Variants in ABCA13 observed in about 807,000 individuals in gnomAD.
The protein encoded by ABCA13 is ATP binding cassette subfamily A member 13, also known as ATP-binding cassette sub-family A member 13.
ABCA13 carries 476 observed loss-of-function variants against 478.7 expected under a neutral mutation model. The ratio of observed to expected loss-of-function variants is 0.99; its 90% CI spans 0.92 to 1.07. The LOEUF (loss-of-function observed/expected upper bound fraction) is 1.07, where lower values mean the gene tolerates loss of function less well. ABCA13 is among the 50% of genes least tolerant of loss of function. The pLI is 0.00. For synonymous variants in ABCA13, 2,252 were observed against 2,158.9 expected (o/e 1.04, Z -1.20); for missense variants, 6,060 against 5,910.6 (o/e 1.03, Z -0.83).
rs115997020 is a variant in ABCA13 at position 48,410,703 on chromosome 7, A to G, written c.12228+26A>G. On this transcript the variant is annotated intron_variant, in intron 40 of 61. Transcript: ENST00000435803. ...GTAAGGAGTGCAACCATTCTATCTCACTGAAGTCCCATTTCTGTCTGTGGC... is the reference window on the plus strand; with the variant it reads ...GTAAGGAGTGCAACCATTCTATCTCGCTGAAGTCCCATTTCTGTCTGTGGC... 238 of 1,594,466 alleles carry G rather than the reference A, an allele frequency of 1.5e-4. 1 individual carries two copies. In the African/African-American group the frequency reaches 3.0e-3, roughly 20 times the overall value.
intron 3 of ABCA13, among the ~76,000 whole-genome samples, chr7:48,208,713 CTT>C (rs1357384910): frequency 6.6e-6 from 1 of 151,998 alleles, no homozygotes; most frequent in African/African-American, 2.4e-5. Flanking sequence ...TTGGTGAAGT[CTT>C]TAGGTTTTTC....
In ABCA13 at chr7:48,524,308, G is replaced by A. The variant is rs1280208099; in HGVS notation, c.14112G>A (p.Glu4704=). 2 of 1,613,088 alleles carry A rather than the reference G, an allele frequency of 1.2e-6. No individual in the cohort carries two copies. Among genetic ancestry groups the A allele is most frequent in the Non-Finnish European group, 1.7e-6 (2 of 1,179,508 alleles). Reference sequence around the variant, plus strand: ...CTAAGGATACAGATGTTGAAAAAGAGGAAAAGAGAGTGTTTGAAGGAAGGA... The same window carrying A: ...CTAAGGATACAGATGTTGAAAAAGAAGAAAAGAGAGTGTTTGAAGGAAGGA... ...KSSKDTDVEK[E]EKRVFEGRTN... The change falls in exon 54 of 62, where the codon GAG becomes GAA. Residue 4704 remains glutamate (E), a synonymous_variant. Transcript: ENST00000435803.
intron 59 of ABCA13, among the ~76,000 whole-genome samples, chr7:48,632,426 T>C (rs143223628): frequency 4.7e-3 from 719 of 152,330 alleles, no homozygotes; most frequent in Non-Finnish European, 8.7e-3. Context: ...TGATGATACT[T>C]AATTAATCTT....
chr7:48,497,775 G>T (rs984136697), intron 48 of ABCA13, among the ~76,000 whole-genome samples: 2 of 152,316 alleles, frequency 1.3e-5, no homozygotes, highest in Admixed American at 1.3e-4. Context: ...AGTAGAGTCT[G>T]CTCCCCATTG....
intron 48 of ABCA13, among the ~76,000 whole-genome samples, chr7:48,491,959 A>G (rs1432284262): frequency 1.3e-5 from 2 of 152,208 alleles, no homozygotes; most frequent in African/African-American, 4.8e-5. Flanking sequence ...CATTCAGGCT[A>G]TAACAAGTGA....
chr7:48,597,317 C>T (rs944123087), intron 58 of ABCA13, among the ~76,000 whole-genome samples: 1 of 152,210 alleles, frequency 6.6e-6, no homozygotes, highest in Non-Finnish European at 1.5e-5. Context: ...TCATTCCAAA[C>T]GGTATCCCAT....
chr7:48,614,320 G>A (rs937921952), intron 58 of ABCA13, among the ~76,000 whole-genome samples: 1 of 151,170 alleles, frequency 6.6e-6, no homozygotes. Flanking sequence ...TTTATAGCTG[G>A]TCTTCCTGGT....
chr7:48,531,822 A>C (rs1833259580), intron 55 of ABCA13, among the ~76,000 whole-genome samples: 1 of 147,630 alleles, frequency 6.8e-6, no homozygotes, highest in Admixed American at 6.9e-5. Flanking sequence ...TGTATAGCAG[A>C]GCTACTGATT....
At chr7:48,289,733 A>G (rs1332726132) in intron 20 of ABCA13, among the ~76,000 whole-genome samples, 3 of 152,206 alleles carry the variant, frequency 2.0e-5, no homozygotes, top group Non-Finnish European at 4.4e-5. Context: ...CTTTCAGAGC[A>G]ACTGACTCAA....
chr7:48,297,339 T>A (rs747261794), intron 22 of ABCA13, 28 bp downstream of exon 22: 2 of 1,555,316 alleles, frequency 1.3e-6, no homozygotes, highest in Non-Finnish European at 1.7e-6. Flanking sequence ...CAAGTTTGCT[T>A]GATTAAAAAT....
intron 59 of ABCA13, among the ~76,000 whole-genome samples, chr7:48,624,751 CA>C (rs1243425815): frequency 6.6e-6 from 1 of 152,012 alleles, no homozygotes; most frequent in East Asian, 1.9e-4. Flanking sequence ...GATGAGGTTT[CA>C]CCATGTTGGT....
intron 32 of ABCA13, among the ~76,000 whole-genome samples, chr7:48,370,327 A>G (rs1459715618): frequency 6.6e-6 from 1 of 152,068 alleles, no homozygotes; most frequent in Non-Finnish European, 1.5e-5. Context: ...ATATGATATT[A>G]TCATCAACAA....
At chr7:48,477,085 A>T (rs985179063) in intron 45 of ABCA13, among the ~76,000 whole-genome samples, 2 of 152,202 alleles carry the variant, frequency 1.3e-5, no homozygotes, top group Non-Finnish European at 2.9e-5. Context: ...ACAAAGTAGC[A>T]TTTAAAGAGT....
Position 48,273,990 on chromosome 7 carries a change from T to G in ABCA13, c.4324T>G (p.Leu1442Val). The change falls in exon 17 of 62, where the codon TTA (leucine) becomes GTA (valine). Residue 1442 changes from leucine (L) to valine (V), a missense_variant. Around this residue, in one of 3 missense-constraint regions of ABCA13, gnomAD observed 4,423 missense variants for 4,309.1 expected, o/e 1.03. Transcript: ENST00000435803. ...NSILKIVTWVLNIKKPLCSSN... is the reference protein window; with the variant it reads ...NSILKIVTWVVNIKKPLCSSN... Reference sequence around the variant, plus strand: ...TATATTAAAAATTGTAACTTGGGTGTTAAATATAAAAAAACCTCTTTGTTC... The same window carrying G: ...TATATTAAAAATTGTAACTTGGGTGGTAAATATAAAAAAACCTCTTTGTTC... 4 of 1,609,010 alleles carry G rather than the reference T, an allele frequency of 2.5e-6. No homozygotes were observed. Among genetic ancestry groups the G allele is most frequent in the Non-Finnish European group, 3.4e-6 (4 of 1,176,876 alleles).
intron 7 of ABCA13, among the ~76,000 whole-genome samples, chr7:48,232,120 A>C (rs73694378): frequency 0.13 from 16,102 of 121,078 alleles, 954 homozygotes; most frequent in South Asian, 0.24. Context: ...GTGACTCAGC[A>C]CAGTGAGACC....
At chr7:48,245,465 A>G (rs772648561) in intron 11 of ABCA13, 47 bp from the exon 12 acceptor site, 2 of 1,482,804 alleles carry the variant, frequency 1.3e-6, no homozygotes, top group Admixed American at 2.0e-5. Flanking sequence ...ATAAAAGTCA[A>G]GCTTACTTAC....
At chr7:48,250,043 A>G (rs1356344775) in intron 15 of ABCA13, among the ~76,000 whole-genome samples, 7 of 152,086 alleles carry the variant, frequency 4.6e-5, no homozygotes, top group African/African-American at 1.7e-4. Context: ...GATTCCCATG[A>G]ACCCCTCGTT....
intron 13 of ABCA13, among the ~76,000 whole-genome samples, chr7:48,246,255 C>G (rs111551038): frequency 1.3e-5 from 2 of 152,262 alleles, no homozygotes; most frequent in African/African-American, 4.8e-5. Flanking sequence ...CTTGAAATTC[C>G]TCAAACTTTC....
chr7:48,225,418 T>C (rs917275642), intron 5 of ABCA13, among the ~76,000 whole-genome samples: 4 of 152,138 alleles, frequency 2.6e-5, no homozygotes, highest in South Asian at 2.1e-4. Flanking sequence ...AAGGTCATTC[T>C]TGAACATAAC....
Sources: gnomAD v4.1 joint callset for allele counts (sites outside exome capture counted in the v4.1 genomes callset) on GRCh38, gnomAD v4.1.1 for gene constraint, gnomAD v4.1.1 regional missense constraint, MANE v1.5 for transcripts, NCBI Gene and HGNC (gene_info 2026-07-23, HGNC 2026-07-21) for gene names.